Variants in GPATCH8 observed in about 807,000 individuals in gnomAD.
GPATCH8 encodes the protein G patch domain-containing protein 8.
A neutral mutation model predicts 118.3 loss-of-function variants in GPATCH8; 18 were observed. The ratio of observed to expected loss-of-function variants is 0.15; its 90% CI spans 0.11 to 0.23. GPATCH8 has a LOEUF of 0.23. Ranked by LOEUF, GPATCH8 falls within the 10% of genes least tolerant of loss-of-function variation. The probability of loss-of-function intolerance (pLI) is 1.00; values close to 1 mark genes in which losing one functional copy is unlikely to be tolerated. For synonymous variants in GPATCH8, 659 were observed against 684.7 expected (o/e 0.96, Z 0.59); for missense variants, 1,631 against 1,873.8 (o/e 0.87, Z 2.39).
chr17:44,399,418 GCTGT>G lies in GPATCH8; in HGVS notation c.2655_2658del (p.Arg885SerfsTer223). 1.2e-6 allele frequency: 2 copies of G among 1,613,872 alleles called. No individual in the cohort carries two copies. The highest frequency in any genetic ancestry group is 1.7e-6 in the Non-Finnish European group (2 of 1,179,774). ...CTGTAGCTGTCATCAGAGTAACTGC[GCTGT>G]CTACTATAGCAGCTCTGGTCTGAAG... On this transcript the variant is annotated frameshift_variant, in exon 8 of 8. Coordinates refer to ENST00000591680, the MANE Select transcript of GPATCH8 (RefSeq NM_001002909.4). LOFTEE classifies it high-confidence loss of function.
intron 3 of GPATCH8, among the ~76,000 whole-genome samples, chr17:44,455,329 C>A (rs555232241): frequency 1.3e-5 from 2 of 152,114 alleles, no homozygotes; most frequent in East Asian, 3.9e-4. Context: ...TGGAGAAACC[C>A]CATCTCTACT....
At chr17:44,421,435 G>A (rs1317095034) in intron 6 of GPATCH8, among the ~76,000 whole-genome samples, 1 of 151,708 alleles carries the variant, frequency 6.6e-6, no homozygotes, top group South Asian at 2.1e-4. Context: ...GCACGATCTC[G>A]GCTCACTATA....
chr17:44,442,213 T>TAAA lies in GPATCH8; in HGVS notation c.194-5671_194-5669dup, dbSNP rs202099152. 1.5e-3 allele frequency among the ~76,000 whole-genome samples: 198 copies of TAAA among 132,142 alleles called. 2 individuals are homozygous for TAAA. Among genetic ancestry groups the TAAA allele is most frequent in the Middle Eastern group, 0.012 (3 of 256 alleles). The allele number at this position is 132,142 out of a possible 152,430, so 86.7% of individuals were successfully genotyped here. On this transcript the variant is annotated intron_variant, in intron 3 of 7. Transcript: ENST00000591680. Reference sequence around the variant, plus strand: ...CTGGGCACTGCATATAGTGATGATGTAAAAAAAAAAAAAAACACCACAACC... The same window carrying TAAA: ...CTGGGCACTGCATATAGTGATGATGTAAAAAAAAAAAAAAAAAACACCACAACC...
At position 44,399,539 on chromosome 17, in the gene GPATCH8, G is replaced by A. The variant is rs1215962041; in HGVS notation, c.2538C>T (p.Gly846=). Residue 846 remains glycine, a synonymous_variant, in exon 8 of 8, where the codon GGC becomes GGT. Transcript: ENST00000591680. ...TTGAGCGGCTGCGGGAATGCTCACT[G>A]CCTGAATCTTCCTCTTCTTCTTCCT... ...YSEEEEEEDS[G]SEHSRSRSRS... 1.9e-6 allele frequency: 3 copies of A among 1,614,156 alleles called. No homozygotes were observed. The highest frequency in any genetic ancestry group is 2.5e-6 in the Non-Finnish European group (3 of 1,179,992).
At chr17:44,488,998 G>A (rs1277756992) in intron 1 of GPATCH8, among the ~76,000 whole-genome samples, 8 of 151,678 alleles carry the variant, frequency 5.3e-5, no homozygotes, top group African/African-American at 1.9e-4. Context: ...GGCAGAGGTT[G>A]CAGTGAGCCA....
intron 1 of GPATCH8, among the ~76,000 whole-genome samples, chr17:44,495,588 C>T (rs185819501): frequency 9.4e-4 from 143 of 152,330 alleles, no homozygotes; most frequent in African/African-American, 3.3e-3. Flanking sequence ...CACTACAATA[C>T]GTACTTCTTC....
Position 44,437,577 on chromosome 17 carries a change from T to C in GPATCH8, c.194-1032A>G, listed in dbSNP as rs115474149. 2.2e-3 allele frequency among the ~76,000 whole-genome samples: 339 copies of C among 151,776 alleles called. 1 individual carries two copies. Among genetic ancestry groups the C allele is most frequent in the African/African-American group, 7.9e-3 (324 of 41,242 alleles). On this transcript the variant is annotated intron_variant, in intron 3 of 7. Transcript: ENST00000591680. ...GTTGTTGTTGTTATACACACACACA[T>C]ATATATATACATATATTATACCTTT...
At chr17:44,402,452 G>A (rs1248580103) in intron 7 of GPATCH8, among the ~76,000 whole-genome samples, 1 of 150,558 alleles carries the variant, frequency 6.6e-6, no homozygotes, top group East Asian at 1.9e-4. Context: ...ATGTATGGCT[G>A]TACATGTATT....
At chr17:44,489,899 T>A (rs1969109320) in intron 1 of GPATCH8, among the ~76,000 whole-genome samples, 1 of 152,184 alleles carries the variant, frequency 6.6e-6, no homozygotes, top group South Asian at 2.1e-4. Context: ...CTCAACAGGA[T>A]CTGAAAGGTA....
chr17:44,497,319 G>A lies in GPATCH8; in HGVS notation c.45+6007C>T, dbSNP rs1598647931. 2.0e-5 allele frequency among the ~76,000 whole-genome samples: 3 copies of A among 152,210 alleles called. No homozygotes were observed. The South Asian group carries it at 6.2e-4, about 32-fold the overall frequency. ...AAAATGGCAATCTTGGCCAGGTACA[G>A]TGGCACATGCCTGTAATCTCAACAC... On this transcript the variant is annotated intron_variant, in intron 1 of 7. Transcript: ENST00000591680.
chr17:44,487,885 T>C (rs1968904674), intron 1 of GPATCH8, among the ~76,000 whole-genome samples: 1 of 152,158 alleles, frequency 6.6e-6, no homozygotes, highest in Admixed American at 6.5e-5. Flanking sequence ...GTTGATGGTG[T>C]TTATGTTTTT....
chr17:44,482,973 G>A (rs1421136331), intron 1 of GPATCH8, among the ~76,000 whole-genome samples: 1 of 148,434 alleles, frequency 6.7e-6, no homozygotes, highest in East Asian at 2.1e-4. Context: ...TGGCTAACAC[G>A]GTGCAACCCC....
At chr17:44,429,157 C>T (rs1400795985) in intron 5 of GPATCH8, among the ~76,000 whole-genome samples, 6 of 151,960 alleles carry the variant, frequency 3.9e-5, no homozygotes, top group Non-Finnish European at 1.5e-5. Context: ...AATATTTACA[C>T]AGACAAAAAG....
rs2048746330 is a variant in GPATCH8 at position 44,395,452 on chromosome 17, A to C, written c.*2116T>G. 2.2e-6 allele frequency: 1 copy of C among 454,522 alleles called. No individual in the cohort carries two copies. The allele number at this position is 454,522 out of a possible 1,614,324, so 28.2% of individuals were successfully genotyped here. On this transcript the variant is annotated 3_prime_UTR_variant, in exon 8 of 8. Coordinates refer to ENST00000591680, the MANE Select transcript of GPATCH8 (RefSeq NM_001002909.4). ...GGAAGTTAAAGAAAATGCCCCTAGGAAGGCAAAGAGGCAGCCAGAGTATGG... is the reference window on the plus strand; with the variant it reads ...GGAAGTTAAAGAAAATGCCCCTAGGCAGGCAAAGAGGCAGCCAGAGTATGG...
In GPATCH8 at chr17:44,476,636, G is replaced by A. The variant is rs545160325; in HGVS notation, c.46-1733C>T. The stretch of plus-strand genomic sequence containing the variant: ...GGTAACATTATTTTAAACTAAATCT[G>A]CTAAGACATTAAACTTTAAATCAAC... On this transcript the variant is annotated intron_variant, in intron 1 of 7. Transcript: ENST00000591680. Among the ~76,000 whole-genome samples, 11 of 152,184 alleles carry A rather than the reference G, an allele frequency of 7.2e-5. 1 individual carries two copies. In the South Asian group the frequency reaches 2.3e-3, roughly 32 times the overall value.
intron 3 of GPATCH8, among the ~76,000 whole-genome samples, chr17:44,448,511 G>T (rs1445646401): frequency 2.6e-5 from 3 of 113,332 alleles, no homozygotes; most frequent in Non-Finnish European, 3.6e-5. Flanking sequence ...AAAGGGGGGG[G>T]GGGGAAGAAG....
chr17:44,476,773 T>A (rs1366812512), intron 1 of GPATCH8, among the ~76,000 whole-genome samples: 1 of 152,336 alleles, frequency 6.6e-6, no homozygotes, highest in Non-Finnish European at 1.5e-5. Context: ...AATGATGTAT[T>A]TGATCATAAT....
At chr17:44,449,202 G>A (rs574560216) in intron 3 of GPATCH8, among the ~76,000 whole-genome samples, 2 of 152,220 alleles carry the variant, frequency 1.3e-5, no homozygotes, top group South Asian at 4.2e-4. Flanking sequence ...ACTTGAACCC[G>A]GGAGGCAGAG....
intron 2 of GPATCH8, chr17:44,465,243 G>A (rs2051715984): frequency 6.6e-6 from 1 of 152,048 alleles, no homozygotes; most frequent in African/African-American, 2.4e-5. Flanking sequence ...TCAACATGTA[G>A]TCTAACAAAA....
Sources: allele counts gnomAD v4.1 joint callset (sites outside exome capture counted in the v4.1 genomes callset), GRCh38; gene constraint gnomAD v4.1.1; transcripts MANE v1.5; gene names NCBI Gene and HGNC (gene_info 2026-07-23, HGNC 2026-07-21).